The following TOP1 variants were observed in gnomAD, a reference collection of about 807,000 sequenced individuals.
The protein encoded by TOP1 is DNA topoisomerase 1.
In TOP1, 10 loss-of-function variants were observed where a neutral mutation model predicts 111.1. The ratio of observed to expected loss-of-function variants is 0.09; its 90% CI spans 0.06 to 0.15. The LOEUF is 0.15. Ranked by LOEUF, TOP1 falls within the 10% of genes least tolerant of loss-of-function variation. The pLI, the probability that TOP1 is intolerant of heterozygous loss-of-function variation, is 1.00. For synonymous variants in TOP1, 271 were observed against 302.9 expected (o/e 0.89, Z 1.10); for missense variants, 474 against 926.7 (o/e 0.51, Z 6.34).
At chr20:41,074,184 C>CT (rs554491791) in intron 3 of TOP1, among the ~76,000 whole-genome samples, 4,836 of 145,648 alleles carry the variant, frequency 0.033, 101 homozygotes, top group South Asian at 0.081. Context: ...AATTGGAAGA[C>CT]TTTTTTTTTT....
intron 2 of TOP1, among the ~76,000 whole-genome samples, chr20:41,055,253 T>C (rs564393191): frequency 9.1e-4 from 138 of 152,368 alleles, no homozygotes; most frequent in African/African-American, 3.2e-3. Context: ...TTTGCATCTT[T>C]CATATCTGTC....
intron 3 of TOP1, among the ~76,000 whole-genome samples, chr20:41,074,535 C>T (rs2033703368): frequency 6.6e-6 from 1 of 151,818 alleles, no homozygotes. Flanking sequence ...CTTTCCTAAC[C>T]TATAGTGTGT....
chr20:41,098,125 T>G lies in TOP1; in HGVS notation c.853-90T>G. ...TTCCAGAAACCTTTGACTGAAAAAA[T>G]GGTGCTTGGGTGTATTTGCAAAGAA... On this transcript the variant is annotated intron_variant, in intron 10 of 20. Coordinates refer to ENST00000361337, the MANE Select transcript of TOP1 (RefSeq NM_003286.4). This position sits in a 1 kb window ranked among gnomAD's most constrained non-coding sequence, Gnocchi z 5.7. 7.3e-7 allele frequency: 1 copy of G among 1,363,986 alleles called. No individual in the cohort carries two copies. The allele number at this position is 1,363,986 out of a possible 1,614,324, so 84.5% of individuals were successfully genotyped here. A position where few individuals can be genotyped will look rare whatever the true frequency, so the allele number is the denominator to read the frequency against.
chr20:41,097,262 C>T lies in TOP1; in HGVS notation c.773C>T (p.Thr258Met), dbSNP rs1349958802. The T allele has an allele frequency of 5.6e-6, 9 of 1,613,744 alleles. No individual in the cohort carries two copies. Among genetic ancestry groups the T allele is most frequent in the East Asian group, 2.2e-5 (1 of 44,874 alleles). The change falls in exon 10 of 21, where the codon ACG becomes ATG. Residue 258 changes from threonine (T) to methionine (M), a missense_variant. Thr to Met is a moderately conservative substitution (Grantham distance 81, BLOSUM62 -1). Around this residue, in one of 14 missense-constraint regions of TOP1, gnomAD observed 84 missense variants for 119.2 expected, o/e 0.70. Coordinates refer to ENST00000361337, the MANE Select transcript of TOP1 (RefSeq NM_003286.4). The surrounding 1 kb of genome is among the most constrained non-coding windows in gnomAD (Gnocchi z 4.2). ...KLSPKAEEVA[T>M]FFAKMLDHEY... The stretch of plus-strand genomic sequence containing the variant: ...AGCCCCAAAGCAGAGGAAGTAGCTA[C>T]GTTCTTTGCAAAAATGCTCGACCAT...
At chr20:41,088,961 C>A (rs893529925) in intron 8 of TOP1, among the ~76,000 whole-genome samples, 2 of 149,082 alleles carry the variant, frequency 1.3e-5, no homozygotes. Context: ...AACTCTACAT[C>A]TTGCAAAACT....
In TOP1 at chr20:41,069,991, G is replaced by C. The variant is rs892875013; in HGVS notation, c.156-6180G>C. Reference sequence around the variant, plus strand: ...TACACAGGGTGGAATAGTAGAAAATGAGACCCAAAAAAGTGGCTTGAGGCA... The same window carrying C: ...TACACAGGGTGGAATAGTAGAAAATCAGACCCAAAAAAGTGGCTTGAGGCA... On this transcript the variant is annotated intron_variant, in intron 3 of 20. Transcript: ENST00000361337. The surrounding 1 kb of genome is among the most constrained non-coding windows in gnomAD (Gnocchi z 4.1). 3.9e-5 allele frequency among the ~76,000 whole-genome samples: 6 copies of C among 152,164 alleles called. No homozygotes were observed. Among genetic ancestry groups the C allele is most frequent in the African/African-American group, 1.2e-4 (5 of 41,436 alleles).
chr20:41,093,235 A>G (rs568981242), intron 9 of TOP1, among the ~76,000 whole-genome samples: 1 of 152,146 alleles, frequency 6.6e-6, no homozygotes, highest in Non-Finnish European at 1.5e-5. Context: ...AGCCTTTGAC[A>G]TGCCTCCTGT....
At position 41,112,407 on chromosome 20, in the gene TOP1, A is replaced by T. The variant is rs1046372493; in HGVS notation, c.1309-375A>T. 1.1e-4 allele frequency among the ~76,000 whole-genome samples: 17 copies of T among 152,186 alleles called. No individual in the cohort carries two copies. Among genetic ancestry groups the T allele is most frequent in the African/African-American group, 4.1e-4 (17 of 41,428 alleles). ...TCCCAGGAACATAAACATTTTAGAGAATTAGAGCTAGAAACTTTCTTCTGG... is the reference window on the plus strand; with the variant it reads ...TCCCAGGAACATAAACATTTTAGAGTATTAGAGCTAGAAACTTTCTTCTGG... On this transcript the variant is annotated intron_variant, in intron 13 of 20. Transcript: ENST00000361337. This position sits in a 1 kb window ranked among gnomAD's most constrained non-coding sequence, Gnocchi z 5.8.
intron 3 of TOP1, among the ~76,000 whole-genome samples, chr20:41,073,802 G>C (rs1334960464): frequency 6.6e-6 from 1 of 152,190 alleles, no homozygotes; most frequent in Admixed American, 6.5e-5. Flanking sequence ...CAAGTACAAT[G>C]CTTGCTTAGA....
Position 41,101,463 on chromosome 20 carries a change from C to G in TOP1, c.1308+110C>G. On this transcript the variant is annotated intron_variant, in intron 13 of 20. Coordinates refer to ENST00000361337, the MANE Select transcript of TOP1 (RefSeq NM_003286.4). The surrounding 1 kb of genome is among the most constrained non-coding windows in gnomAD (Gnocchi z 4.1). ...CACTTTGACAAATTAAAAATCCTCC[C>G]CATTGAAAGAAGGCAAGTACTTTCA... The G allele has an allele frequency of 8.2e-7, 1 of 1,225,752 alleles. No individual in the cohort carries two copies. The highest frequency in any genetic ancestry group is 2.6e-5 in the East Asian group (1 of 39,130). 75.9% of individuals were successfully genotyped at this position (1,225,752 alleles called of 1,614,324 possible).
At chr20:41,064,854 G>A (rs1156628143) in intron 3 of TOP1, among the ~76,000 whole-genome samples, 1 of 151,934 alleles carries the variant, frequency 6.6e-6, no homozygotes, top group Non-Finnish European at 1.5e-5. Context: ...AGCAGAATTG[G>A]GATCTTTTTT....
intron 18 of TOP1, among the ~76,000 whole-genome samples, chr20:41,120,473 T>G (rs893944991): frequency 2.6e-5 from 4 of 152,228 alleles, no homozygotes; most frequent in Non-Finnish European, 5.9e-5. Context: ...AGGTATGGGG[T>G]TCTCCTGCCC....
intron 9 of TOP1, among the ~76,000 whole-genome samples, chr20:41,096,712 T>A (rs964772012): frequency 2.6e-5 from 4 of 152,100 alleles, no homozygotes; most frequent in African/African-American, 9.7e-5. Context: ...GGATATATAT[T>A]TTTTTATTCA....
intron 9 of TOP1, among the ~76,000 whole-genome samples, chr20:41,096,140 C>T (rs1464074144): frequency 1.3e-5 from 2 of 152,174 alleles, no homozygotes; most frequent in African/African-American, 4.8e-5. Context: ...GATCTTGGCT[C>T]ACTGCAACCC....
At chr20:41,086,262 CAA>C (rs561307231) in intron 8 of TOP1, among the ~76,000 whole-genome samples, 20 of 93,466 alleles carry the variant, frequency 2.1e-4, no homozygotes, top group Admixed American at 2.5e-4. Flanking sequence ...GACTCTGTCT[CAA>C]AAAAAAAAAA....
rs1429364557 is a variant in TOP1 at position 41,100,432 on chromosome 20, G to A, written c.1163+189G>A. 6.6e-6 allele frequency among the ~76,000 whole-genome samples: 1 copy of A among 152,158 alleles called. No homozygotes were observed. Among genetic ancestry groups the A allele is most frequent in the East Asian group, 1.9e-4 (1 of 5,200 alleles). On this transcript the variant is annotated intron_variant, in intron 12 of 20. Transcript: ENST00000361337. This position sits in a 1 kb window ranked among gnomAD's most constrained non-coding sequence, Gnocchi z 4.4. The stretch of plus-strand genomic sequence containing the variant: ...GTCTCCCCTCATCCACAGGGGATAT[G>A]TTCCAAGACCCCCAGTGGATGCCTG...
At chr20:41,103,874 A>G in intron 13 of TOP1, among the ~76,000 whole-genome samples, 2 of 151,582 alleles carry the variant, frequency 1.3e-5, no homozygotes, top group Non-Finnish European at 2.9e-5. Flanking sequence ...CTCTTCAGAA[A>G]GGCCATCCCT....
intron 18 of TOP1, among the ~76,000 whole-genome samples, chr20:41,120,404 G>A (rs1161005404): frequency 6.6e-6 from 1 of 152,228 alleles, no homozygotes; most frequent in Admixed American, 6.5e-5. Context: ...GCAGCCCAGT[G>A]TGTGTCAGAC....
chr20:41,072,228 G>A, intron 3 of TOP1: 6 of 985,030 alleles, frequency 6.1e-6, no homozygotes, highest in Non-Finnish European at 6.0e-6. Flanking sequence ...AAGCCCTTTT[G>A]TGACTTTGAC....
Sources: allele counts gnomAD v4.1 joint callset (sites outside exome capture counted in the v4.1 genomes callset), GRCh38; gene constraint gnomAD v4.1.1; regional missense constraint gnomAD v4.1.1; non-coding constraint Gnocchi (gnomAD v3.1); transcripts MANE v1.5; gene names NCBI Gene and HGNC (gene_info 2026-07-23, HGNC 2026-07-21).